Variants in STPG2 observed in about 807,000 individuals in gnomAD.
The protein encoded by STPG2 is sperm-tail PG-rich repeat-containing protein 2.
In STPG2, 56 loss-of-function variants were observed where a neutral mutation model predicts 54.2. That is an observed-to-expected ratio of 1.03 (90% CI 0.83 to 1.29). The LOEUF (loss-of-function observed/expected upper bound fraction) is 1.29. Ranked by LOEUF, STPG2 falls within the 50% of genes most tolerant of loss-of-function variation. STPG2 has a pLI of 0.00. For missense variants in STPG2, 596 were observed against 544.9 expected, an observed-to-expected ratio of 1.09 and a Z score of -0.93; for synonymous variants, 200 against 181.8, an observed-to-expected ratio of 1.10 and a Z score of -0.81.
At chr4:97,890,562 GT>G (rs1244743584) in intron 8 of STPG2, among the ~76,000 whole-genome samples, 1 of 151,876 alleles carries the variant, frequency 6.6e-6, no homozygotes, top group Non-Finnish European at 1.5e-5. Context: ...CTGAAGAGAA[GT>G]TGGTGACGGG....
intron 3 of STPG2, 97 bp from the exon 4 acceptor site, chr4:98,109,402 G>T: frequency 1.1e-6 from 1 of 876,212 alleles, no homozygotes; most frequent in Non-Finnish European, 1.7e-6. Context: ...TCTAAAGCAA[G>T]GATAGCCTCA....
chr4:97,871,419 G>C (rs1729986307), intron 8 of STPG2, among the ~76,000 whole-genome samples: 2 of 150,172 alleles, frequency 1.3e-5, no homozygotes, highest in Non-Finnish European at 3.0e-5. Flanking sequence ...TTTTAAAAAG[G>C]GGGGGAATCA....
In STPG2 at chr4:97,616,057, A is replaced by C. The variant is rs28408655; in HGVS notation, c.1321-56940T>G. 6.2e-3 allele frequency among the ~76,000 whole-genome samples: 231 copies of C among 37,382 alleles called. 4 individuals carry two copies. The highest frequency in any genetic ancestry group is 0.019 in the African/African-American group (215 of 11,044). 24.5% of individuals were successfully genotyped at this position (37,382 alleles called of 152,430 possible). On this transcript the variant is annotated intron_variant, in intron 10 of 10. Transcript: ENST00000295268. ...GTCTCAAAAAAAAAAAATACATATA[A>C]ATATATATATATATATATATATATA...
At chr4:97,455,252 A>T (rs531697547) in intron 4 of STPG2, among the ~76,000 whole-genome samples, 7 of 152,272 alleles carry the variant, frequency 4.6e-5, no homozygotes, top group African/African-American at 1.7e-4. Context: ...GGCAGGGCCT[A>T]TGGTTAGGGT....
intron 10 of STPG2, among the ~76,000 whole-genome samples, chr4:97,686,561 G>A (rs1484941416): frequency 2.0e-5 from 3 of 152,126 alleles, no homozygotes; most frequent in Non-Finnish European, 2.9e-5. Flanking sequence ...GCCTTCCAGA[G>A]GCAAACTGGG....
intron 10 of STPG2, among the ~76,000 whole-genome samples, chr4:97,619,974 C>T (rs796995904): frequency 6.6e-5 from 10 of 152,162 alleles, no homozygotes; most frequent in African/African-American, 2.2e-4. Context: ...CAGGCACCCA[C>T]CATCATGCCT....
intron 9 of STPG2, among the ~76,000 whole-genome samples, chr4:97,792,490 A>C (rs1162603675): frequency 6.6e-6 from 1 of 152,122 alleles, no homozygotes; most frequent in Non-Finnish European, 1.5e-5. Flanking sequence ...AGCCACCATC[A>C]TCTCTCACTG....
chr4:97,869,436 A>T (rs1729904045), intron 8 of STPG2, among the ~76,000 whole-genome samples: 1 of 151,696 alleles, frequency 6.6e-6, no homozygotes, highest in Admixed American at 6.6e-5. Flanking sequence ...ATTTTGGTGC[A>T]TTTTTAAACA....
chr4:97,767,177 G>T (rs1726081529), intron 9 of STPG2, among the ~76,000 whole-genome samples: 1 of 152,086 alleles, frequency 6.6e-6, no homozygotes, highest in African/African-American at 2.4e-5. Context: ...GCTTTATAGT[G>T]TCTATCCCAT....
At chr4:97,694,036 G>A (rs981403933) in intron 10 of STPG2, among the ~76,000 whole-genome samples, 3 of 152,066 alleles carry the variant, frequency 2.0e-5, no homozygotes, top group Admixed American at 6.6e-5. Context: ...AAAGTTCATA[G>A]CATCAAACAC....
intron 5 of STPG2, among the ~76,000 whole-genome samples, chr4:98,008,213 G>A (rs1460271718): frequency 6.6e-6 from 1 of 151,936 alleles, no homozygotes; most frequent in East Asian, 1.9e-4. Flanking sequence ...AGTCACATAT[G>A]AAGGAAAGCC....
At chr4:97,991,744 T>C (rs192400363) in intron 5 of STPG2, among the ~76,000 whole-genome samples, 1 of 152,142 alleles carries the variant, frequency 6.6e-6, no homozygotes, top group East Asian at 1.9e-4. Flanking sequence ...TGTTCCCTTT[T>C]CACCACATCC....
At chr4:98,121,449 A>G (rs961171882) in intron 3 of STPG2, among the ~76,000 whole-genome samples, 3 of 151,706 alleles carry the variant, frequency 2.0e-5, no homozygotes, top group African/African-American at 7.3e-5. Context: ...TTTAAAGAAA[A>G]TAGCATTGAA....
At chr4:97,530,906 T>G (rs770247004) in intron 4 of STPG2, among the ~76,000 whole-genome samples, 1 of 152,160 alleles carries the variant, frequency 6.6e-6, no homozygotes, top group Non-Finnish European at 1.5e-5. Flanking sequence ...CCAGTGCTCA[T>G]ACATGGAGGA....
chr4:97,462,959 T>G (rs993519687), intron 4 of STPG2, among the ~76,000 whole-genome samples: 1 of 152,140 alleles, frequency 6.6e-6, no homozygotes, highest in Non-Finnish European at 1.5e-5. Context: ...TTTTAAAAAT[T>G]TCTTTATCTG....
At chr4:97,629,990 T>A (rs994903045) in intron 10 of STPG2, among the ~76,000 whole-genome samples, 2 of 151,958 alleles carry the variant, frequency 1.3e-5, no homozygotes, top group Non-Finnish European at 2.9e-5. Flanking sequence ...TTCCTGACAT[T>A]GAGTTGTTAT....
intron 10 of STPG2, among the ~76,000 whole-genome samples, chr4:97,690,249 T>C (rs922652494): frequency 2.0e-5 from 3 of 152,180 alleles, no homozygotes; most frequent in Non-Finnish European, 4.4e-5. Flanking sequence ...AAATGACTTA[T>C]ATATTTCAGA....
chr4:98,084,866 A>G (rs1738459068), intron 5 of STPG2, among the ~76,000 whole-genome samples: 2 of 152,224 alleles, frequency 1.3e-5, no homozygotes, highest in South Asian at 4.1e-4. Context: ...ATTTTGTCAG[A>G]TAGATATGTT....
chr4:97,616,237 T>C (rs973473772), intron 10 of STPG2, among the ~76,000 whole-genome samples: 7 of 151,044 alleles, frequency 4.6e-5, no homozygotes, highest in African/African-American at 7.3e-5. Context: ...AAATATCCAA[T>C]GTTTTGTTTT....
Sources: allele counts gnomAD v4.1 joint callset (sites outside exome capture counted in the v4.1 genomes callset), GRCh38; gene constraint gnomAD v4.1.1; transcripts MANE v1.5; gene names NCBI Gene and HGNC (gene_info 2026-07-23, HGNC 2026-07-21).